INVS: variants seen among roughly 807,000 people sequenced by gnomAD.
INVS encodes inversin.
INVS carries 86 observed loss-of-function variants against 108.8 expected under a neutral mutation model. The observed-to-expected ratio is 0.79, with a 90% confidence interval of 0.66 to 0.95. The LOEUF is 0.95. Among genes scored for constraint, INVS ranks in the 40% least tolerant of loss-of-function variants. INVS has a pLI of 0.00. For synonymous variants in INVS, 455 were observed against 473.5 expected (o/e 0.96, Z 0.51); for missense variants, 1,169 against 1,297.4 (o/e 0.90, Z 1.52).
At chr9:100,241,151 T>G (rs78456817) in intron 6 of INVS, among the ~76,000 whole-genome samples, 1,911 of 152,260 alleles carry the variant, frequency 0.013, 39 homozygotes, top group African/African-American at 0.043. Flanking sequence ...ATTATCTTTT[T>G]TTTAAATGAT....
intron 3 of INVS, chr9:100,129,803 A>G: frequency 1.3e-5 from 8 of 598,516 alleles, no homozygotes; most frequent in Non-Finnish European, 2.2e-5. Context: ...CTGGAATGCA[A>G]AAGAATACAA....
At chr9:100,147,517 G>A (rs1828657603) in intron 3 of INVS, among the ~76,000 whole-genome samples, 2 of 152,146 alleles carry the variant, frequency 1.3e-5, no homozygotes, top group African/African-American at 4.8e-5. Flanking sequence ...GGATAAATAA[G>A]TTTTTTCATA....
intron 2 of INVS, among the ~76,000 whole-genome samples, chr9:100,107,448 A>G (rs1172821411): frequency 6.6e-6 from 1 of 152,222 alleles, no homozygotes; most frequent in Non-Finnish European, 1.5e-5. Context: ...TACTTGGAAT[A>G]AAATTTGACA....
At chr9:100,213,360 T>C (rs1173232474) in intron 3 of INVS, among the ~76,000 whole-genome samples, 1 of 152,034 alleles carries the variant, frequency 6.6e-6, no homozygotes, top group Non-Finnish European at 1.5e-5. Context: ...TTACAGTGCA[T>C]TTCTTTTCTT....
intron 1 of INVS, among the ~76,000 whole-genome samples, chr9:100,100,803 G>A (rs866687421): frequency 0.22 from 703 of 3,248 alleles, 176 homozygotes; most frequent in Middle Eastern, 0.67. Context: ...TATAATATAT[G>A]TATATATAAT....
At chr9:100,246,538 A>C in intron 7 of INVS, 78 bp from the exon 8 acceptor site, 1 of 993,652 alleles carries the variant, frequency 1.0e-6, no homozygotes, top group South Asian at 1.4e-5. Context: ...AATGGAATTC[A>C]CATATTATTA....
rs1365874351 is a variant in INVS, at chr9:100,300,617, G to T, written c.3141G>T (p.Lys1047Asn). The change falls in exon 17 of 17, where the codon AAG becomes AAT. Residue 1047 changes from lysine to asparagine, a missense_variant. Physicochemically the swap from Lys to Asn is moderately conservative, Grantham distance 94. Transcript: ENST00000262457. ...TCCTTGAGAACAGTGGAAGATCAAA[G>T]AACTTTTCTTATAACCTGCAATCAG... Reference protein sequence around the residue: ...IHLLENSGRSKNFSYNLQSAT... With the variant: ...IHLLENSGRSNNFSYNLQSAT... 1 of 1,613,960 alleles carries T rather than the reference G, an allele frequency of 6.2e-7. No individual in the cohort carries two copies. Among genetic ancestry groups the T allele is most frequent in the East Asian group, 2.2e-5 (1 of 44,870 alleles).
intron 3 of INVS, among the ~76,000 whole-genome samples, chr9:100,148,026 A>G (rs1828678778): frequency 1.0e-5 from 1 of 99,076 alleles, no homozygotes; most frequent in African/African-American, 9.4e-5. Context: ...TCTACAAAAA[A>G]AAAAAAAAAA....
intron 3 of INVS, among the ~76,000 whole-genome samples, chr9:100,216,030 G>C (rs1348356825): frequency 6.6e-6 from 1 of 152,182 alleles, no homozygotes; most frequent in African/African-American, 2.4e-5. Flanking sequence ...AGGCAATACA[G>C]ACTTGTTCAG....
intron 3 of INVS, among the ~76,000 whole-genome samples, chr9:100,208,235 T>C (rs898180068): frequency 3.3e-5 from 5 of 152,180 alleles, no homozygotes; most frequent in Non-Finnish European, 7.4e-5. Flanking sequence ...TTTTTAAAGA[T>C]GGCTAAATTT....
At chr9:100,292,200 C>A in intron 13 of INVS, 126 bp from the exon 14 acceptor site, 1 of 873,720 alleles carries the variant, frequency 1.1e-6, no homozygotes, top group Non-Finnish European at 1.9e-6. Flanking sequence ...CCGTTTTTTT[C>A]CTAGTCTGTA....
intron 3 of INVS, among the ~76,000 whole-genome samples, chr9:100,224,377 AG>A (rs1277381007): frequency 1.3e-5 from 2 of 152,216 alleles, no homozygotes; most frequent in Non-Finnish European, 2.9e-5. Flanking sequence ...GGCACGAAGT[AG>A]GCTGAGAACC....
chr9:100,148,925 A>G (rs1037789915), intron 3 of INVS, among the ~76,000 whole-genome samples: 1 of 152,132 alleles, frequency 6.6e-6, no homozygotes, highest in African/African-American at 2.4e-5. Flanking sequence ...ATGAACTAAT[A>G]TTGTTAAAGT....
intron 12 of INVS, among the ~76,000 whole-genome samples, chr9:100,276,751 C>T (rs1158413181): frequency 1.3e-5 from 2 of 152,128 alleles, no homozygotes; most frequent in Non-Finnish European, 1.5e-5. Context: ...TCAACCCACC[C>T]ACCTCAGCCT....
intron 3 of INVS, among the ~76,000 whole-genome samples, chr9:100,204,199 G>T (rs1406029115): frequency 6.6e-6 from 1 of 152,130 alleles, no homozygotes; most frequent in African/African-American, 2.4e-5. Context: ...TAAATTGAAT[G>T]ATATATTTAT....
intron 13 of INVS, among the ~76,000 whole-genome samples, chr9:100,290,500 C>T (rs566762680): frequency 2.0e-5 from 3 of 152,170 alleles, no homozygotes; most frequent in Admixed American, 1.3e-4. Context: ...CAGGCATGCA[C>T]CACCATGTCC....
intron 3 of INVS, among the ~76,000 whole-genome samples, chr9:100,218,616 A>T (rs1831057809): frequency 6.6e-6 from 1 of 152,218 alleles, no homozygotes. Context: ...GTCCTGTAGA[A>T]TATGATTTCA....
Position 100,236,171 on chromosome 9 carries a change from T to G in INVS, c.616-3889T>G, listed in dbSNP as rs184118811. On this transcript the variant is annotated intron_variant, in intron 5 of 16. Transcript: ENST00000262457. ...TCCGGCTGTTGATACTTGTGTATGC[T>G]TCACGAAGTTCTCGTGCTGTGTTTT... is the stretch of plus-strand genomic sequence containing the variant. Among the ~76,000 whole-genome samples the G allele has an allele frequency of 2.0e-5, 3 of 152,366 alleles. No homozygotes were observed. The East Asian group carries it at 5.8e-4, about 29-fold the overall frequency.
chr9:100,114,941 C>T (rs1281805454), intron 2 of INVS, among the ~76,000 whole-genome samples: 1 of 152,126 alleles, frequency 6.6e-6, no homozygotes, highest in Non-Finnish European at 1.5e-5. Context: ...AACTTTCATG[C>T]TTTTATTTCT....
Sources: gnomAD v4.1 joint callset for allele counts (sites outside exome capture counted in the v4.1 genomes callset) on GRCh38, gnomAD v4.1.1 for gene constraint, MANE v1.5 for transcripts, NCBI Gene and HGNC (gene_info 2026-07-23, HGNC 2026-07-21) for gene names.